IQCM: variants seen among roughly 807,000 people sequenced by gnomAD.
The protein encoded by IQCM is IQ motif containing M, also known as IQ domain-containing protein M.
In IQCM, 45 loss-of-function variants were observed where a neutral mutation model predicts 57.6. The ratio of observed to expected loss-of-function variants is 0.78; its 90% CI spans 0.62 to 1.00. The LOEUF (loss-of-function observed/expected upper bound fraction) is 1.00. Among genes scored for constraint, IQCM ranks in the 50% least tolerant of loss-of-function variants. The probability of loss-of-function intolerance (pLI) is 0.00; values close to 1 mark genes in which losing one functional copy is unlikely to be tolerated. For synonymous variants in IQCM, 148 were observed against 158.9 expected (o/e 0.93, Z 0.51); for missense variants, 468 against 511.6 (o/e 0.91, Z 0.82).
At chr4:149,762,484 T>C (rs1769622727) in intron 2 of IQCM, among the ~76,000 whole-genome samples, 1 of 151,990 alleles carries the variant, frequency 6.6e-6, no homozygotes. Context: ...TTTAAAGTAA[T>C]GAACAGAACA....
At chr4:149,789,760 A>AGCATGGTGT (rs1227702066) in intron 2 of IQCM, among the ~76,000 whole-genome samples, 5 of 151,776 alleles carry the variant, frequency 3.3e-5, no homozygotes, top group African/African-American at 1.2e-4. Flanking sequence ...AAAATTGCTG[A>AGCATGGTGT]GCATGGTGTT....
At chr4:149,809,012 T>A (rs188566221) in intron 2 of IQCM, among the ~76,000 whole-genome samples, 23 of 152,332 alleles carry the variant, frequency 1.5e-4, no homozygotes, top group African/African-American at 4.8e-4. Flanking sequence ...GAACTAAGGA[T>A]ATCCTTCATT....
Position 149,627,808 on chromosome 4 carries a change from C to T in IQCM, c.566-6564G>A, listed in dbSNP as rs181783373. 3.5e-4 allele frequency among the ~76,000 whole-genome samples: 53 copies of T among 152,176 alleles called. 1 individual carries two copies. The South Asian group carries it at 4.6e-3, about 13-fold the overall frequency. On this transcript the variant is annotated intron_variant, in intron 7 of 13. Transcript: ENST00000636793. The stretch of plus-strand genomic sequence containing the variant: ...TTCTGAAATGGGGAGGGAGATTATC[C>T]GGGATTGTCCTGGTGGGCACCACAT...
chr4:149,591,718 T>C (rs925842073), intron 8 of IQCM, among the ~76,000 whole-genome samples: 8 of 152,118 alleles, frequency 5.3e-5, no homozygotes, highest in Non-Finnish European at 1.0e-4. Flanking sequence ...TTTTCCATCC[T>C]TGCGATAGTT....
At chr4:149,781,318 T>C (rs777060547) in intron 2 of IQCM, among the ~76,000 whole-genome samples, 1 of 152,200 alleles carries the variant, frequency 6.6e-6, no homozygotes. Context: ...AAGTTTTAAA[T>C]TGCATGCTGT....
intron 12 of IQCM, among the ~76,000 whole-genome samples, chr4:149,518,772 C>T (rs1745264189): frequency 1.3e-5 from 2 of 151,592 alleles, no homozygotes; most frequent in Admixed American, 1.3e-4. Context: ...AGCCAAGGAG[C>T]CAGACCAGGG....
chr4:149,801,020 CAA>C (rs1269016894), intron 2 of IQCM, among the ~76,000 whole-genome samples: 1 of 151,672 alleles, frequency 6.6e-6, no homozygotes, highest in Non-Finnish European at 1.5e-5. Context: ...TCCGAATAGC[CAA>C]AGTTATCCTT....
chr4:149,650,281 GCTT>G (rs2150132371), intron 7 of IQCM, among the ~76,000 whole-genome samples: 1 of 152,196 alleles, frequency 6.6e-6, no homozygotes, highest in South Asian at 2.1e-4. Flanking sequence ...TTAGAAATAT[GCTT>G]CTATGAGCCA....
chr4:149,577,195 G>A (rs1751741733), intron 9 of IQCM, among the ~76,000 whole-genome samples: 1 of 151,882 alleles, frequency 6.6e-6, no homozygotes. Flanking sequence ...TGTTTACTCT[G>A]CTGATAATTT....
intron 12 of IQCM, among the ~76,000 whole-genome samples, chr4:149,520,660 T>A (rs982498121): frequency 6.6e-6 from 1 of 152,188 alleles, no homozygotes; most frequent in Non-Finnish European, 1.5e-5. Context: ...GTAATTTGAA[T>A]GCTCCAGATG....
At chr4:149,427,948 C>T (rs1056714113) in intron 13 of IQCM, among the ~76,000 whole-genome samples, 7 of 151,748 alleles carry the variant, frequency 4.6e-5, no homozygotes, top group African/African-American at 1.2e-4. Context: ...TTATTCATCT[C>T]GAGCAAGCAG....
intron 12 of IQCM, among the ~76,000 whole-genome samples, chr4:149,457,109 A>C (rs952215062): frequency 1.1e-4 from 17 of 152,222 alleles, no homozygotes; most frequent in African/African-American, 3.8e-4. Context: ...CTGAGGCCAT[A>C]CTAAAAAGAA....
At chr4:149,666,114 C>CT (rs1760698094) in intron 7 of IQCM, 1 of 152,560 alleles carries the variant, frequency 6.6e-6, no homozygotes, top group Non-Finnish European at 1.5e-5. Context: ...GTCAATACTC[C>CT]TTAATAAACT....
intron 5 of IQCM, among the ~76,000 whole-genome samples, chr4:149,711,357 A>G (rs1764546965): frequency 6.6e-6 from 1 of 152,206 alleles, no homozygotes; most frequent in Non-Finnish European, 1.5e-5. Context: ...AAAGCTTTAG[A>G]TTCAGAAAGA....
intron 8 of IQCM, among the ~76,000 whole-genome samples, chr4:149,604,493 C>A (rs1429209024): frequency 6.6e-6 from 1 of 152,074 alleles, no homozygotes; most frequent in Non-Finnish European, 1.5e-5. Flanking sequence ...TTTACCTGAT[C>A]ATTTAAAAAA....
chr4:149,807,706 A>T (rs1220537685), intron 2 of IQCM, among the ~76,000 whole-genome samples: 2 of 152,082 alleles, frequency 1.3e-5, no homozygotes, highest in African/African-American at 4.8e-5. Context: ...AATAGCCAGA[A>T]TATATAAGGG....
intron 12 of IQCM, among the ~76,000 whole-genome samples, chr4:149,460,773 C>T (rs1404808005): frequency 6.6e-6 from 1 of 152,106 alleles, no homozygotes; most frequent in Non-Finnish European, 1.5e-5. Context: ...CCATCTTTGC[C>T]ATGTAGAACA....
intron 7 of IQCM, among the ~76,000 whole-genome samples, chr4:149,656,529 C>A (rs900554088): frequency 2.4e-4 from 36 of 152,210 alleles, no homozygotes; most frequent in African/African-American, 8.7e-4. Context: ...TGGATTCCTG[C>A]ATGAAATTGA....
chr4:149,355,949 G>A (rs973772618), intron 13 of IQCM, among the ~76,000 whole-genome samples: 3 of 152,136 alleles, frequency 2.0e-5, no homozygotes, highest in African/African-American at 7.2e-5. Context: ...ACTGGTGTGA[G>A]ATGGTATCTC....
Sources: allele counts gnomAD v4.1 joint callset (sites outside exome capture counted in the v4.1 genomes callset), GRCh38; gene constraint gnomAD v4.1.1; transcripts MANE v1.5; gene names NCBI Gene and HGNC (gene_info 2026-07-23, HGNC 2026-07-21).